TBL1Y: variants seen among roughly 807,000 people sequenced by gnomAD.
The protein encoded by TBL1Y is transducin beta like 1 Y-linked, also known as F-box-like/WD repeat-containing protein TBL1Y.
In TBL1Y, 15 loss-of-function variants were observed where a neutral mutation model predicts 12.0. That is an observed-to-expected ratio of 1.25 (90% CI 0.83 to 1.92). The LOEUF is 1.92. Ranked by LOEUF, TBL1Y falls within the 40% of genes most tolerant of loss-of-function variation. The pLI is 0.00. For missense variants in TBL1Y, 148 were observed against 116.7 expected (o/e 1.27, Z -1.24); for synonymous variants, 53 against 42.6 (o/e 1.24, Z -0.95).
At chrY:6,991,797 C>CAT (rs2012366131) in intron 3 of TBL1Y, among the ~76,000 whole-genome samples, 1 of 34,122 alleles carries the variant, frequency 2.9e-5, no homozygotes, top group African/African-American at 1.1e-4. Flanking sequence ...TAGTCTTTTA[C>CAT]ATATATTTCG....
chrY:6,976,389 T>C (rs555307827), intron 2 of TBL1Y, among the ~76,000 whole-genome samples: 3 of 33,993 alleles, frequency 8.8e-5, no homozygotes, highest in African/African-American at 3.4e-4. Flanking sequence ...ATTTGCAACC[T>C]CTTCTATCAT....
chrY:6,956,129 G>A (rs2012068008), intron 2 of TBL1Y, among the ~76,000 whole-genome samples: 1 of 33,368 alleles, frequency 3.0e-5, no homozygotes, highest in African/African-American at 1.2e-4. Flanking sequence ...TAGCACAGTT[G>A]CCACCCCTGG....
intron 12 of TBL1Y, among the ~76,000 whole-genome samples, chrY:7,074,308 G>C: frequency 3.0e-5 from 1 of 33,407 alleles, no homozygotes; most frequent in Non-Finnish European, 7.4e-5. Context: ...CTGATTACAT[G>C]TTGAGATGGT....
intron 4 of TBL1Y, among the ~76,000 whole-genome samples, chrY:6,997,608 A>G (rs2012420300): frequency 3.0e-5 from 1 of 33,683 alleles, no homozygotes; most frequent in Non-Finnish European, 7.3e-5. Flanking sequence ...TCTGGTTTCT[A>G]TGGCTGCATG....
At chrY:7,083,845 C>T (rs2013112644) in intron 14 of TBL1Y, among the ~76,000 whole-genome samples, 1 of 31,659 alleles carries the variant, frequency 3.2e-5, no homozygotes, top group Admixed American at 2.9e-4. Context: ...CTGGAAGACA[C>T]ATCCATTCTC....
chrY:6,988,012 G>A, intron 3 of TBL1Y, among the ~76,000 whole-genome samples: 1 of 33,249 alleles, frequency 3.0e-5, no homozygotes, highest in African/African-American at 1.2e-4. Flanking sequence ...CTAGGAACAG[G>A]TTTATGCATG....
chrY:7,025,028 C>G lies in TBL1Y; in HGVS notation c.-50-7C>G. ...GTGTTTCAAAACTGTCTTCTTTTTTCAAACAGAGGGTGGTTCCAACTTCAT... is the reference window on the plus strand; with the variant it reads ...GTGTTTCAAAACTGTCTTCTTTTTTGAAACAGAGGGTGGTTCCAACTTCAT... On this transcript the variant is annotated splice_polypyrimidine_tract_variant and splice_region_variant and intron_variant, in intron 5 of 18. Transcript: ENST00000383032. The G allele has an allele frequency of 2.7e-6, 1 of 371,109 alleles. No individual in the cohort carries two copies. Among genetic ancestry groups the G allele is most frequent in the Non-Finnish European group, 3.8e-6 (1 of 261,705 alleles). 92.6% of individuals were successfully genotyped at this position (371,109 alleles called of 400,897 possible). A position where few individuals can be genotyped will look rare whatever the true frequency, so the allele number is the denominator to read the frequency against.
At chrY:7,085,161 TACACAC>T (rs35028329) in intron 14 of TBL1Y, among the ~76,000 whole-genome samples, 1,233 of 16,821 alleles carry the variant, frequency 0.073, no homozygotes, top group East Asian at 0.057. Context: ...CTGTAAAAAA[TACACAC>T]ACACACACAC....
chrY:7,006,075 G>A (rs2012484194), intron 4 of TBL1Y, among the ~76,000 whole-genome samples: 1 of 32,969 alleles, frequency 3.0e-5, no homozygotes, highest in African/African-American at 1.2e-4. Context: ...CACTTTGTTC[G>A]GTATTTAATT....
chrY:6,921,081 A>T, intron 2 of TBL1Y, among the ~76,000 whole-genome samples: 2 of 32,897 alleles, frequency 6.1e-5, no homozygotes, highest in Non-Finnish European at 1.5e-4. Context: ...AAGACAAAAA[A>T]GAGTATATTT....
chrY:6,973,198 G>A, intron 2 of TBL1Y, among the ~76,000 whole-genome samples: 1 of 32,856 alleles, frequency 3.0e-5, no homozygotes, highest in Non-Finnish European at 7.5e-5. Context: ...AAATCAGAGG[G>A]GTATTTTCCT....
chrY:6,981,048 A>G, intron 3 of TBL1Y, among the ~76,000 whole-genome samples: 5 of 33,814 alleles, frequency 1.5e-4, no homozygotes, highest in African/African-American at 5.8e-4. Flanking sequence ...ACATTTGCCT[A>G]GTTGGAATTC....
chrY:7,049,665 C>A, intron 7 of TBL1Y, among the ~76,000 whole-genome samples: 1 of 33,994 alleles, frequency 2.9e-5, no homozygotes, highest in Non-Finnish European at 7.3e-5. Flanking sequence ...GCGTAAATGT[C>A]TTTTGAAAAG....
At chrY:6,927,801 T>C (rs756938837) in intron 2 of TBL1Y, among the ~76,000 whole-genome samples, 2 of 33,649 alleles carry the variant, frequency 5.9e-5, no homozygotes, top group South Asian at 1.3e-3. Context: ...CTTGTATGCC[T>C]TAAATCTGGC....
At chrY:7,086,242 G>A (rs377146158) in intron 15 of TBL1Y, 48 bp from the exon 16 acceptor site, 10 of 385,339 alleles carry the variant, frequency 2.6e-5, no homozygotes, top group Non-Finnish European at 3.6e-5. Flanking sequence ...CATCATTCCC[G>A]GGTGCAGGAA....
chrY:7,044,930 G>T (rs2012750168), intron 7 of TBL1Y, among the ~76,000 whole-genome samples: 2 of 33,661 alleles, frequency 5.9e-5, no homozygotes, highest in South Asian at 1.4e-3. Context: ...ACAGATATGA[G>T]CCCCTGTACC....
At chrY:7,057,074 AT>A (rs2012827968) in intron 7 of TBL1Y, among the ~76,000 whole-genome samples, 2 of 32,500 alleles carry the variant, frequency 6.2e-5, no homozygotes, top group Admixed American at 2.9e-4. Context: ...GGCTGAGAAA[AT>A]GATTATGACA....
At chrY:7,084,884 G>A (rs1016304805) in intron 14 of TBL1Y, among the ~76,000 whole-genome samples, 2 of 31,775 alleles carry the variant, frequency 6.3e-5, no homozygotes, top group African/African-American at 2.5e-4. Flanking sequence ...TTGGTCACCC[G>A]TCTTTCACCT....
intron 2 of TBL1Y, among the ~76,000 whole-genome samples, chrY:6,954,959 T>A (rs2012061422): frequency 2.9e-5 from 1 of 33,955 alleles, no homozygotes. Flanking sequence ...GGATGTATAT[T>A]AGAAAGAAAT....
Sources: gnomAD v4.1 joint callset for allele counts (sites outside exome capture counted in the v4.1 genomes callset) on GRCh38, gnomAD v4.1.1 for gene constraint, MANE v1.5 for transcripts, NCBI Gene and HGNC (gene_info 2026-07-23, HGNC 2026-07-21) for gene names.